DLG1: variants seen among roughly 807,000 people sequenced by gnomAD.
DLG1 encodes the protein disks large homolog 1.
Under a neutral mutation model 123.4 loss-of-function variants are expected in DLG1, and 42 were observed. That is an observed-to-expected ratio of 0.34 (90% CI 0.27 to 0.44). The LOEUF is 0.44. DLG1 is among the 20% of genes least tolerant of loss of function. DLG1 has a pLI of 1.00. For synonymous variants in DLG1, 317 were observed against 356.2 expected (o/e 0.89, Z 1.24); for missense variants, 942 against 1,082.6 (o/e 0.87, Z 1.82).
At chr3:197,204,468 C>T (rs1395693688) in intron 4 of DLG1, among the ~76,000 whole-genome samples, 4 of 152,116 alleles carry the variant, frequency 2.6e-5, no homozygotes, top group East Asian at 1.9e-4. Flanking sequence ...AATGATTTTC[C>T]CTCATCCATC....
intron 5 of DLG1, chr3:197,183,871 A>C: frequency 6.6e-7 from 1 of 1,508,908 alleles, no homozygotes; most frequent in Non-Finnish European, 8.9e-7. Context: ...TGAGTGGTGA[A>C]TGATCGGTAA....
intron 23 of DLG1, among the ~76,000 whole-genome samples, chr3:197,056,320 T>A (rs1731650274): frequency 1.3e-5 from 2 of 152,200 alleles, no homozygotes; most frequent in Admixed American, 1.3e-4. Flanking sequence ...ATACCCAACT[T>A]GGTTGTTACA....
intron 3 of DLG1, among the ~76,000 whole-genome samples, chr3:197,285,090 T>C (rs868354110): frequency 6.6e-6 from 1 of 151,364 alleles, no homozygotes; most frequent in Non-Finnish European, 1.5e-5. Flanking sequence ...CCTTCAAATA[T>C]ATAATTTTCT....
chr3:197,114,783 C>T (rs756070729), intron 13 of DLG1, among the ~76,000 whole-genome samples: 3 of 151,904 alleles, frequency 2.0e-5, no homozygotes, highest in Non-Finnish European at 4.4e-5. Context: ...GAGATCGAGA[C>T]CATCCTGGTT....
chr3:197,079,701 T>G (rs538095692), intron 17 of DLG1, among the ~76,000 whole-genome samples: 15 of 152,308 alleles, frequency 9.8e-5, no homozygotes, highest in African/African-American at 3.6e-4. Flanking sequence ...TTACCTGGGA[T>G]TTTTCCTCTA....
At chr3:197,104,225 C>T (rs11718602) in intron 14 of DLG1, among the ~76,000 whole-genome samples, 1,786 of 152,076 alleles carry the variant, frequency 0.012, 21 homozygotes, top group African/African-American at 0.028. Context: ...ACTATATCTG[C>T]TTATGGTTTT....
At chr3:197,298,622 C>A (rs1459905642), upstream of DLG1, 3 of 398,114 alleles carry the variant, frequency 7.5e-6, no homozygotes, top group Non-Finnish European at 1.3e-5. Flanking sequence ...TAGATCCCCA[C>A]CGGGGAAAAG....
At chr3:197,095,118 T>C (rs1759923828) in intron 14 of DLG1, among the ~76,000 whole-genome samples, 1 of 152,192 alleles carries the variant, frequency 6.6e-6, no homozygotes, top group Non-Finnish European at 1.5e-5. Flanking sequence ...TTCTTCTTAC[T>C]AATTTTTTTT....
intron 5 of DLG1, among the ~76,000 whole-genome samples, chr3:197,165,036 T>TA (rs1380045705): frequency 6.6e-6 from 1 of 152,074 alleles, no homozygotes; most frequent in African/African-American, 2.4e-5. Context: ...GACAAAACAT[T>TA]AAGTAAAAAA....
At chr3:197,171,390 AAT>A in intron 5 of DLG1, among the ~76,000 whole-genome samples, 1 of 152,328 alleles carries the variant, frequency 6.6e-6, no homozygotes, top group South Asian at 2.1e-4. Flanking sequence ...AAAAACCAAC[AAT>A]ATGTTATTTG....
At chr3:197,127,866 A>C (rs138354284) in intron 11 of DLG1, among the ~76,000 whole-genome samples, 2 of 151,982 alleles carry the variant, frequency 1.3e-5, no homozygotes, top group Admixed American at 1.3e-4. Context: ...GAATAGCATT[A>C]TGTCTAAAAA....
chr3:197,262,799 T>C (rs1759994445), intron 4 of DLG1, among the ~76,000 whole-genome samples: 1 of 152,204 alleles, frequency 6.6e-6, no homozygotes, highest in African/African-American at 2.4e-5. Context: ...ACACATCTAG[T>C]CAGCACAGAA....
Position 197,104,998 on chromosome 3 carries a change from C to G in DLG1, c.1451G>C (p.Ser484Thr). The change falls in exon 14 of 25, where the codon AGT (serine) becomes ACT (threonine). Residue 484 changes from serine (S) to threonine (T), a missense_variant. Ser to Thr is a moderately conservative substitution (Grantham distance 58). Coordinates refer to ENST00000667157, the MANE Select transcript of DLG1 (RefSeq NM_001366207.1). ...ATGACTAGCAGCTCTGAGGTCAACA[C>G]TGTTTACCTGTAAATCAAACCAAAT... is the stretch of plus-strand genomic sequence containing the variant. Reference protein sequence around the residue: ...RKGDRIISVNSVDLRAASHEQ... With the variant: ...RKGDRIISVNTVDLRAASHEQ... 1 of 1,591,714 alleles carries G rather than the reference C, an allele frequency of 6.3e-7. No individual in the cohort carries two copies. Among genetic ancestry groups the G allele is most frequent in the Non-Finnish European group, 8.6e-7 (1 of 1,168,140 alleles).
intron 14 of DLG1, among the ~76,000 whole-genome samples, chr3:197,097,741 C>T (rs1235177366): frequency 6.6e-6 from 1 of 151,764 alleles, no homozygotes; most frequent in African/African-American, 2.4e-5. Flanking sequence ...CCACCACGCC[C>T]AGCTAATTTT....
At chr3:197,187,803 T>C (rs1333790799) in intron 5 of DLG1, among the ~76,000 whole-genome samples, 1 of 152,208 alleles carries the variant, frequency 6.6e-6, no homozygotes, top group African/African-American at 2.4e-5. Context: ...TACTCTTACA[T>C]AACCCCAAAA....
At chr3:197,139,585 C>T (rs902297620) in intron 8 of DLG1, among the ~76,000 whole-genome samples, 5 of 152,072 alleles carry the variant, frequency 3.3e-5, no homozygotes, top group East Asian at 3.8e-4. Flanking sequence ...AAATGGAACA[C>T]TAAATTTAAA....
intron 13 of DLG1, among the ~76,000 whole-genome samples, chr3:197,111,796 A>G (rs1288282109): frequency 6.6e-6 from 1 of 152,132 alleles, no homozygotes; most frequent in African/African-American, 2.4e-5. Flanking sequence ...TATTTTTGTT[A>G]TCTGTTTTGC....
chr3:197,283,859 G>GTTTTTTTTTTTTTTTTTTTTTTTTTTTT (rs36055840), intron 3 of DLG1, among the ~76,000 whole-genome samples: 1 of 104,900 alleles, frequency 9.5e-6, no homozygotes, highest in Non-Finnish European at 1.9e-5. Flanking sequence ...CAGTTGGGTT[G>GTTTTTTTTTTTTTTTTTTTTTTTTTTTT]TTTTTTTTTT....
rs1738396683 is a variant in DLG1 at position 197,064,758 on chromosome 3, A to T, written c.2373+518T>A. Among the ~76,000 whole-genome samples the T allele has an allele frequency of 5.9e-5, 9 of 152,206 alleles. No homozygotes were observed. The South Asian group carries it at 1.9e-3, about 32-fold the overall frequency. On this transcript the variant is annotated intron_variant, in intron 22 of 24. Coordinates refer to ENST00000667157, the MANE Select transcript of DLG1 (RefSeq NM_001366207.1). ...GTTTTTGGAAAAAGTCTTTGGCCAT[A>T]AAAAAAGTTTTTTAAAAATTTTAAG...
Sources: gnomAD v4.1 joint callset for allele counts (sites outside exome capture counted in the v4.1 genomes callset) on GRCh38, gnomAD v4.1.1 for gene constraint, MANE v1.5 for transcripts, NCBI Gene and HGNC (gene_info 2026-07-23, HGNC 2026-07-21) for gene names.